Variants in CACNB2 observed in about 807,000 individuals in gnomAD.
The protein encoded by CACNB2 is calcium voltage-gated channel auxiliary subunit beta 2, also known as voltage-dependent L-type calcium channel subunit beta-2.
Under a neutral mutation model 73.3 loss-of-function variants are expected in CACNB2, and 42 were observed. The ratio of observed to expected loss-of-function variants is 0.57; its 90% CI spans 0.45 to 0.74. CACNB2 has a LOEUF of 0.74. Ranked by LOEUF, CACNB2 falls within the 30% of genes least tolerant of loss-of-function variation. CACNB2 has a pLI of 0.00. For synonymous variants in CACNB2, 348 were observed against 310.3 expected (o/e 1.12, Z -1.28); for missense variants, 940 against 853.0 (o/e 1.10, Z -1.27).
At chr10:18,213,527 A>G (rs1259399715) in intron 2 of CACNB2, among the ~76,000 whole-genome samples, 1 of 152,218 alleles carries the variant, frequency 6.6e-6, no homozygotes, top group East Asian at 1.9e-4. Flanking sequence ...TTCTGGGCTC[A>G]AAAAATCCTG....
At chr10:18,368,704 C>T (rs915084294) in intron 2 of CACNB2, among the ~76,000 whole-genome samples, 3 of 152,014 alleles carry the variant, frequency 2.0e-5, no homozygotes, top group Non-Finnish European at 4.4e-5. Flanking sequence ...TTTAGGAATA[C>T]AAACATTCAT....
At chr10:18,318,643 A>G (rs974367017) in intron 2 of CACNB2, among the ~76,000 whole-genome samples, 14 of 152,226 alleles carry the variant, frequency 9.2e-5, no homozygotes, top group African/African-American at 3.4e-4. Flanking sequence ...ACAGCAAAAT[A>G]AACTATCATC....
At chr10:18,452,392 C>A (rs545747418) in intron 3 of CACNB2, among the ~76,000 whole-genome samples, 1 of 152,138 alleles carries the variant, frequency 6.6e-6, no homozygotes, top group African/African-American at 2.4e-5. Context: ...GGTACCACTG[C>A]ACTCCAGTCT....
rs1035685138 is a variant in CACNB2, at chr10:18,283,628, C to G, written c.214-118296C>G. Among the ~76,000 whole-genome samples the G allele has an allele frequency of 3.0e-5, 4 of 134,320 alleles. No individual in the cohort carries two copies. In the Admixed American group the frequency reaches 3.6e-4, roughly 12 times the overall value. 88.1% of individuals were successfully genotyped at this position (134,320 alleles called of 152,430 possible). On this transcript the variant is annotated intron_variant, in intron 2 of 13. Transcript: ENST00000324631. ...AGGTGGAAACTGAACAATGAGAACA[C>G]TTGGACACGGGGTGGGAACGTCACA...
At chr10:18,485,923 T>A (rs2049036872) in intron 3 of CACNB2, among the ~76,000 whole-genome samples, 1 of 151,700 alleles carries the variant, frequency 6.6e-6, no homozygotes, top group Non-Finnish European at 1.5e-5. Context: ...CATTTTTTTT[T>A]TTTTTTTCAT....
chr10:18,390,184 G>C lies in CACNB2; in HGVS notation c.214-11740G>C, dbSNP rs563984193. On this transcript the variant is annotated intron_variant, in intron 2 of 13. Transcript: ENST00000324631. ...TGATTGTTTCGCTGCTCAAGAAAAG[G>C]CCTGGCACTTGGATGTACCATCTTT... Among the ~76,000 whole-genome samples the C allele has an allele frequency of 2.0e-5, 3 of 152,254 alleles. No homozygotes were observed. In the South Asian group the frequency reaches 6.2e-4, roughly 32 times the overall value.
At chr10:18,508,344 C>A (rs749062823) in intron 6 of CACNB2, among the ~76,000 whole-genome samples, 1 of 152,138 alleles carries the variant, frequency 6.6e-6, no homozygotes, top group Non-Finnish European at 1.5e-5. Flanking sequence ...GAAACTTATA[C>A]CTTCCCTTGA....
chr10:18,529,030 C>G (rs2052740619), intron 10 of CACNB2, among the ~76,000 whole-genome samples: 1 of 152,140 alleles, frequency 6.6e-6, no homozygotes, highest in Non-Finnish European at 1.5e-5. Context: ...GGGAGTCTCA[C>G]TATGTTGCCC....
At chr10:18,367,945 T>C (rs756963001) in intron 2 of CACNB2, among the ~76,000 whole-genome samples, 4 of 152,190 alleles carry the variant, frequency 2.6e-5, no homozygotes, top group Non-Finnish European at 4.4e-5. Flanking sequence ...AACGAACCTA[T>C]GTTAAAGAAT....
rs1266758870 is a variant in CACNB2, at chr10:18,539,906, T to C, written c.*182T>C. On this transcript the variant is annotated 3_prime_UTR_variant, in exon 14 of 14. Transcript: ENST00000324631. ...ATAGAGTATTGAGATACTTTTTCTTTTGTAAGTGCTACATAAATTGGCCTG... is the reference window on the plus strand; with the variant it reads ...ATAGAGTATTGAGATACTTTTTCTTCTGTAAGTGCTACATAAATTGGCCTG... The C allele has an allele frequency of 1.4e-6, 1 of 693,800 alleles. No homozygotes were observed. Among genetic ancestry groups the C allele is most frequent in the Non-Finnish European group, 2.3e-6 (1 of 432,650 alleles). The allele number at this position is 693,800 out of a possible 1,614,324, so 43.0% of individuals were successfully genotyped here. A position where few individuals can be genotyped will look rare whatever the true frequency, so the allele number is the denominator to read the frequency against.
chr10:18,488,810 G>A (rs972191910), intron 3 of CACNB2, among the ~76,000 whole-genome samples: 1 of 151,688 alleles, frequency 6.6e-6, no homozygotes, highest in African/African-American at 2.4e-5. Flanking sequence ...TACTGTAGGA[G>A]AAACACAGGC....
chr10:18,395,915 A>G (rs1397874281), intron 2 of CACNB2, among the ~76,000 whole-genome samples: 1 of 152,124 alleles, frequency 6.6e-6, no homozygotes, highest in Admixed American at 6.6e-5. Flanking sequence ...GTCATTTTTC[A>G]GTGTTTAGAG....
intron 2 of CACNB2, among the ~76,000 whole-genome samples, chr10:18,275,406 C>T (rs1024749371): frequency 2.6e-5 from 4 of 152,110 alleles, no homozygotes; most frequent in Non-Finnish European, 4.4e-5. Flanking sequence ...TCCATACACA[C>T]GTGGTTTTGA....
At chr10:18,399,405 G>A (rs751495423) in intron 2 of CACNB2, among the ~76,000 whole-genome samples, 8 of 152,078 alleles carry the variant, frequency 5.3e-5, no homozygotes, top group Admixed American at 2.0e-4. Context: ...ATTAATTTAC[G>A]TCAAGATACC....
At chr10:18,488,205 G>A (rs908990410) in intron 3 of CACNB2, among the ~76,000 whole-genome samples, 5 of 151,894 alleles carry the variant, frequency 3.3e-5, no homozygotes, top group African/African-American at 1.2e-4. Flanking sequence ...GCCGGGAACT[G>A]TGGCTGACGC....
At chr10:18,273,967 G>T (rs1190110584) in intron 2 of CACNB2, among the ~76,000 whole-genome samples, 1 of 151,934 alleles carries the variant, frequency 6.6e-6, no homozygotes, top group Non-Finnish European at 1.5e-5. Flanking sequence ...GGAACCACAG[G>T]TCTGAACAAA....
chr10:18,177,470 A>C (rs1447192762), intron 2 of CACNB2, among the ~76,000 whole-genome samples: 1 of 151,452 alleles, frequency 6.6e-6, no homozygotes, highest in African/African-American at 2.4e-5. Context: ...AAATGCAAAA[A>C]AAAAAAAAAA....
chr10:18,271,499 C>T (rs933075316), intron 2 of CACNB2, among the ~76,000 whole-genome samples: 2 of 152,178 alleles, frequency 1.3e-5, no homozygotes, highest in East Asian at 3.8e-4. Flanking sequence ...AAAATAAAAA[C>T]ACCACCAGAT....
chr10:18,247,350 A>C (rs895085293), intron 2 of CACNB2, among the ~76,000 whole-genome samples: 1 of 152,110 alleles, frequency 6.6e-6, no homozygotes, highest in African/African-American at 2.4e-5. Context: ...TTGTCCAACT[A>C]ACACCAATTC....
Sources: allele counts gnomAD v4.1 joint callset (sites outside exome capture counted in the v4.1 genomes callset), GRCh38; gene constraint gnomAD v4.1.1; transcripts MANE v1.5; gene names NCBI Gene and HGNC (gene_info 2026-07-23, HGNC 2026-07-21).